The following LOXHD1 variants were observed in gnomAD, a reference collection of about 807,000 sequenced individuals.
LOXHD1 encodes the protein lipoxygenase homology domain-containing protein 1.
LOXHD1 carries 205 observed loss-of-function variants against 248.2 expected under a neutral mutation model. That is an observed-to-expected ratio of 0.83 (90% CI 0.74 to 0.93). The LOEUF (loss-of-function observed/expected upper bound fraction) is 0.93. Among genes scored for constraint, LOXHD1 ranks in the 40% least tolerant of loss-of-function variants. The pLI is 0.00. For missense variants in LOXHD1, 2,930 were observed against 2,971.6 expected (o/e 0.99, Z 0.33); for synonymous variants, 1,113 against 1,162.8 (o/e 0.96, Z 0.87).
chr18:46,594,732 C>T (rs1215523606), intron 8 of LOXHD1, among the ~76,000 whole-genome samples: 2 of 152,160 alleles, frequency 1.3e-5, no homozygotes, highest in African/African-American at 2.4e-5. Flanking sequence ...CTTTGAATAC[C>T]GTATTTCTTT....
At chr18:46,586,560 C>T (rs1040247559) in intron 12 of LOXHD1, among the ~76,000 whole-genome samples, 2 of 152,208 alleles carry the variant, frequency 1.3e-5, no homozygotes, top group Admixed American at 6.5e-5. Flanking sequence ...ATTCTCTTGC[C>T]TCAGCCTCCC....
intron 4 of LOXHD1, among the ~76,000 whole-genome samples, chr18:46,631,323 A>G (rs2038819192): frequency 6.6e-6 from 1 of 152,096 alleles, no homozygotes. Context: ...CCCCACCACC[A>G]TCAGTCTTGG....
chr18:46,579,034 G>A (rs1171793969), intron 13 of LOXHD1, among the ~76,000 whole-genome samples: 3 of 152,244 alleles, frequency 2.0e-5, no homozygotes, highest in Non-Finnish European at 4.4e-5. Flanking sequence ...ACTGTAATGA[G>A]GCTAGCAACA....
At chr18:46,610,063 G>A (rs573532094) in intron 6 of LOXHD1, among the ~76,000 whole-genome samples, 7 of 152,180 alleles carry the variant, frequency 4.6e-5, no homozygotes, top group South Asian at 2.1e-4. Flanking sequence ...ACAAGAAAGC[G>A]TACGCTTGGA....
intron 29 of LOXHD1, among the ~76,000 whole-genome samples, chr18:46,525,714 G>A (rs955048173): frequency 6.6e-6 from 1 of 152,166 alleles, no homozygotes. Context: ...TGAGGAGGGT[G>A]AGAGGGGACA....
chr18:46,512,225 G>T (rs2035005787), intron 34 of LOXHD1, among the ~76,000 whole-genome samples: 1 of 152,038 alleles, frequency 6.6e-6, no homozygotes, highest in Non-Finnish European at 1.5e-5. Flanking sequence ...ATTTTAAACT[G>T]AAGACTGGCC....
intron 12 of LOXHD1, among the ~76,000 whole-genome samples, chr18:46,584,604 A>G (rs1275433564): frequency 2.0e-5 from 3 of 152,166 alleles, no homozygotes; most frequent in Non-Finnish European, 4.4e-5. Flanking sequence ...AGAAAAGCCT[A>G]TGCCCAGATG....
intron 4 of LOXHD1, among the ~76,000 whole-genome samples, chr18:46,632,754 T>C (rs542700391): frequency 2.0e-5 from 3 of 152,276 alleles, no homozygotes; most frequent in Admixed American, 6.5e-5. Flanking sequence ...GTTGCCAGCC[T>C]TCCACAGGCC....
intron 37 of LOXHD1, among the ~76,000 whole-genome samples, chr18:46,502,246 G>A (rs899403613): frequency 6.6e-6 from 1 of 152,152 alleles, no homozygotes; most frequent in African/African-American, 2.4e-5. Context: ...TTCCTAGATG[G>A]TTTGGAAGGA....
chr18:46,640,414 T>A (rs1446020015), intron 3 of LOXHD1, among the ~76,000 whole-genome samples: 1 of 152,202 alleles, frequency 6.6e-6, no homozygotes, highest in Non-Finnish European at 1.5e-5. Context: ...CCCTTAGTCC[T>A]ACAATCCAGA....
rs561668931 is a variant in LOXHD1, at chr18:46,540,794, G to T, written c.3913+982C>A. On this transcript the variant is annotated intron_variant, in intron 25 of 40. Coordinates refer to ENST00000642948, the MANE Select transcript of LOXHD1 (RefSeq NM_001384474.1). ...TTCAGGCCAGAGTCTGTCCTCGCCTGCAGGTGACTCCTGGGAATAGAGGCT... is the reference window on the plus strand; with the variant it reads ...TTCAGGCCAGAGTCTGTCCTCGCCTTCAGGTGACTCCTGGGAATAGAGGCT... 2.0e-5 allele frequency among the ~76,000 whole-genome samples: 3 copies of T among 151,610 alleles called. No individual in the cohort carries two copies. In the Admixed American group the frequency reaches 2.0e-4, roughly 10 times the overall value.
chr18:46,547,684 C>G (rs1239318132), intron 21 of LOXHD1, among the ~76,000 whole-genome samples: 1 of 152,110 alleles, frequency 6.6e-6, no homozygotes, highest in Non-Finnish European at 1.5e-5. Flanking sequence ...ATTAAGGACT[C>G]TCCCCTGGGT....
intron 5 of LOXHD1, among the ~76,000 whole-genome samples, chr18:46,612,466 G>A: frequency 6.6e-6 from 1 of 152,084 alleles, no homozygotes; most frequent in Non-Finnish European, 1.5e-5. Context: ...CTGCTTATTT[G>A]GGGAGATTGA....
chr18:46,607,350 C>T (rs1390752351), intron 6 of LOXHD1, among the ~76,000 whole-genome samples: 1 of 147,572 alleles, frequency 6.8e-6, no homozygotes, highest in Non-Finnish European at 1.5e-5. Context: ...TGTACATATA[C>T]ATACATATAT....
At chr18:46,598,223 T>C (rs1316944838) in intron 8 of LOXHD1, among the ~76,000 whole-genome samples, 1 of 152,128 alleles carries the variant, frequency 6.6e-6, no homozygotes, top group Non-Finnish European at 1.5e-5. Context: ...ACCATACAAC[T>C]ATCTCATTAA....
intron 40 of LOXHD1, among the ~76,000 whole-genome samples, chr18:46,481,348 C>T (rs2032549427): frequency 6.6e-6 from 1 of 152,052 alleles, no homozygotes; most frequent in African/African-American, 2.4e-5. Flanking sequence ...AGGTTTTCAT[C>T]CAGCAGAGAA....
chr18:46,626,176 C>A (rs1009749970), intron 4 of LOXHD1, among the ~76,000 whole-genome samples: 3 of 152,144 alleles, frequency 2.0e-5, no homozygotes, highest in African/African-American at 7.2e-5. Context: ...AAATAGGGAA[C>A]AACCTAAAGA....
chr18:46,606,165 A>G (rs1283627573), intron 6 of LOXHD1, among the ~76,000 whole-genome samples: 1 of 152,208 alleles, frequency 6.6e-6, no homozygotes, highest in East Asian at 1.9e-4. Context: ...AAGAAAGGGA[A>G]TCAAGAAAAA....
chr18:46,566,264 G>A lies in LOXHD1; in HGVS notation c.2430C>T (p.Ile810=), dbSNP rs564006132. The part of the protein sequence containing the change: ...VELYPSEVVE[I]QKLVHYEVEI... ...CCACAGCCTCCTCCATACATTTCTG[G>A]ATCTCCACCACCTCGCTGGGATACA... The change falls in exon 17 of 41, where the codon ATC becomes ATT. Residue 810 remains isoleucine, a synonymous_variant. Transcript: ENST00000642948. 5.2e-6 allele frequency: 8 copies of A among 1,548,696 alleles called. No individual in the cohort carries two copies. In the African/African-American group the frequency reaches 1.1e-4, roughly 21 times the overall value.
Sources: gnomAD v4.1 joint callset for allele counts (sites outside exome capture counted in the v4.1 genomes callset) on GRCh38, gnomAD v4.1.1 for gene constraint, MANE v1.5 for transcripts, NCBI Gene and HGNC (gene_info 2026-07-23, HGNC 2026-07-21) for gene names.